NBEAL1: variants seen among roughly 807,000 people sequenced by gnomAD.
NBEAL1 encodes neurobeachin-like protein 1.
NBEAL1 carries 273 observed loss-of-function variants against 351.3 expected under a neutral mutation model. The ratio of observed to expected loss-of-function variants is 0.78; its 90% CI spans 0.70 to 0.86. The LOEUF is 0.86. NBEAL1 is among the 40% of genes least tolerant of loss of function. The probability of loss-of-function intolerance (pLI) is 0.00; values close to 1 mark genes in which losing one functional copy is unlikely to be tolerated. For missense variants in NBEAL1, 2,961 were observed against 3,201.3 expected (o/e 0.92, Z 1.81); for synonymous variants, 1,050 against 1,086.4 (o/e 0.97, Z 0.66).
At chr2:203,067,643 A>G (rs891478195) in intron 6 of NBEAL1, among the ~76,000 whole-genome samples, 1 of 152,122 alleles carries the variant, frequency 6.6e-6, no homozygotes. Flanking sequence ...AATATTTTCT[A>G]TTTTTGTTGG....
At chr2:203,048,682 T>G (rs2061271628) in intron 3 of NBEAL1, among the ~76,000 whole-genome samples, 3 of 152,190 alleles carry the variant, frequency 2.0e-5, no homozygotes. Flanking sequence ...AGGTGAGATT[T>G]AGTACCCATG....
At chr2:203,106,663 T>C (rs946878774) in intron 12 of NBEAL1, among the ~76,000 whole-genome samples, 4 of 152,130 alleles carry the variant, frequency 2.6e-5, no homozygotes, top group African/African-American at 9.7e-5. Flanking sequence ...CAAAAATACA[T>C]GAGAAAATAT....
chr2:203,185,069 C>T (rs977214920), intron 44 of NBEAL1, among the ~76,000 whole-genome samples: 15 of 152,122 alleles, frequency 9.9e-5, no homozygotes, highest in Non-Finnish European at 2.1e-4. Context: ...CTTGACCACA[C>T]GGATTAATAA....
intron 50 of NBEAL1, among the ~76,000 whole-genome samples, chr2:203,202,378 T>C (rs945994993): frequency 6.6e-6 from 1 of 152,196 alleles, no homozygotes; most frequent in Admixed American, 6.5e-5. Context: ...AAGTAGCATA[T>C]GAAAATTAAC....
Position 203,224,937 on chromosome 2 carries a change from A to T in NBEAL1, c.*7583A>T, listed in dbSNP as rs886428103. Among the ~76,000 whole-genome samples the T allele has an allele frequency of 6.6e-6, 1 of 152,168 alleles. No individual in the cohort carries two copies. The highest frequency in any genetic ancestry group is 2.1e-4 in the South Asian group (1 of 4,834). ...TCCTTCCTCATCCTTTTAAAATTAAATATATAAGATGTATGTTTTGTTTTA... is the reference window on the plus strand; with the variant it reads ...TCCTTCCTCATCCTTTTAAAATTAATTATATAAGATGTATGTTTTGTTTTA... On this transcript the variant is annotated 3_prime_UTR_variant, in exon 56 of 56. Transcript: ENST00000683969.
At chr2:203,045,395 T>C (rs560204206) in intron 3 of NBEAL1, among the ~76,000 whole-genome samples, 2 of 152,264 alleles carry the variant, frequency 1.3e-5, no homozygotes, top group South Asian at 4.1e-4. Flanking sequence ...TTTAGCCCTT[T>C]AGCAGGAAAA....
intron 42 of NBEAL1, among the ~76,000 whole-genome samples, chr2:203,177,344 G>A (rs1311563475): frequency 2.0e-5 from 3 of 150,150 alleles, no homozygotes; most frequent in Non-Finnish European, 4.4e-5. Context: ...AGTTCAGCCT[G>A]GGCAACATAG....
chr2:203,183,069 A>G (rs2064779781), intron 43 of NBEAL1: 1 of 329,048 alleles, frequency 3.0e-6, no homozygotes, highest in African/African-American at 2.1e-5. Flanking sequence ...TTTTTGCTTA[A>G]CAACTTAATT....
At chr2:203,196,677 T>C (rs1407091235) in intron 47 of NBEAL1, among the ~76,000 whole-genome samples, 2 of 152,216 alleles carry the variant, frequency 1.3e-5, no homozygotes, top group Admixed American at 6.5e-5. Context: ...ACCTGATACA[T>C]AGTACATACC....
intron 4 of NBEAL1, among the ~76,000 whole-genome samples, chr2:203,055,229 T>C (rs1318261672): frequency 6.6e-6 from 1 of 152,236 alleles, no homozygotes; most frequent in Non-Finnish European, 1.5e-5. Context: ...GCAGAATTCT[T>C]GCAGAGGCTT....
In NBEAL1 at chr2:203,224,281, ACTT is replaced by A. The variant is rs1293739107; in HGVS notation, c.*6931_*6933del. Among the ~76,000 whole-genome samples the A allele has an allele frequency of 6.6e-6, 1 of 152,012 alleles. No individual in the cohort carries two copies. Among genetic ancestry groups the A allele is most frequent in the Non-Finnish European group, 1.5e-5 (1 of 67,922 alleles). ...TTTATAAGTAGCTTTATATAAGAAA[ACTT>A]CTTAGAAAACTATGTGGCTGGTTGG... On this transcript the variant is annotated 3_prime_UTR_variant, in exon 56 of 56. Coordinates refer to ENST00000683969, the MANE Select transcript of NBEAL1 (RefSeq NM_001378026.1).
chr2:203,118,965 ATT>A (rs34515211), intron 18 of NBEAL1, among the ~76,000 whole-genome samples: 186 of 147,210 alleles, frequency 1.3e-3, no homozygotes, highest in Non-Finnish European at 1.5e-3. Flanking sequence ...TTAAAGTTGG[ATT>A]TTTTTTTTTT....
chr2:203,031,107 A>G (rs1053254670), intron 2 of NBEAL1, among the ~76,000 whole-genome samples: 2 of 152,226 alleles, frequency 1.3e-5, no homozygotes, highest in African/African-American at 4.8e-5. Context: ...TTATTTCCTG[A>G]TGTATGAATT....
At chr2:203,199,476 A>ATTTT in intron 49 of NBEAL1, 29 bp downstream of exon 49, 2 of 1,107,022 alleles carry the variant, frequency 1.8e-6, no homozygotes, top group Non-Finnish European at 1.4e-6. Flanking sequence ...AAAGCAAAAT[A>ATTTT]GCTATACCAG....
intron 12 of NBEAL1, among the ~76,000 whole-genome samples, chr2:203,103,567 C>T (rs993061154): frequency 2.0e-5 from 3 of 152,098 alleles, no homozygotes; most frequent in Admixed American, 1.3e-4. Context: ...CCATTGTGCC[C>T]GGCCTATCTT....
intron 2 of NBEAL1, among the ~76,000 whole-genome samples, chr2:203,025,945 T>C (rs980968024): frequency 1.3e-5 from 2 of 152,166 alleles, no homozygotes; most frequent in Admixed American, 6.5e-5. Flanking sequence ...GACTACACTT[T>C]GTTGTGACTG....
chr2:203,222,286 C>A lies in NBEAL1; in HGVS notation c.*4932C>A, dbSNP rs1396881364. On this transcript the variant is annotated 3_prime_UTR_variant, in exon 56 of 56. Coordinates refer to ENST00000683969, the MANE Select transcript of NBEAL1 (RefSeq NM_001378026.1). ...CTTCTCTGTGGAGTTTATAAATATA[C>A]AGATATGTAGGCACTGCTTTGGACT... Among the ~76,000 whole-genome samples, 1 of 152,144 alleles carries A rather than the reference C, an allele frequency of 6.6e-6. No individual in the cohort carries two copies. The highest frequency in any genetic ancestry group is 1.5e-5 in the Non-Finnish European group (1 of 68,028).
At chr2:203,027,078 A>C (rs1377135416) in intron 2 of NBEAL1, among the ~76,000 whole-genome samples, 1 of 152,168 alleles carries the variant, frequency 6.6e-6, no homozygotes, top group African/African-American at 2.4e-5. Context: ...TTTTTTTGTG[A>C]CAATTTTGTC....
rs747865301 is a variant in NBEAL1 at position 203,085,591 on chromosome 2, T to A, written c.1098+1022T>A. 3 of 152,186 alleles carry A rather than the reference T, an allele frequency of 2.0e-5. No individual in the cohort carries two copies. The South Asian group carries it at 6.2e-4, about 32-fold the overall frequency. 9.4% of individuals were successfully genotyped at this position (152,186 alleles called of 1,614,324 possible). ...GCCATTATTCCTAACTTTTACACCA[T>A]GTAATGACCTAAATGATGATTTTGG... On this transcript the variant is annotated intron_variant, in intron 10 of 55. Coordinates refer to ENST00000683969, the MANE Select transcript of NBEAL1 (RefSeq NM_001378026.1).
Sources: allele counts gnomAD v4.1 joint callset (sites outside exome capture counted in the v4.1 genomes callset), GRCh38; gene constraint gnomAD v4.1.1; transcripts MANE v1.5; gene names NCBI Gene and HGNC (gene_info 2026-07-23, HGNC 2026-07-21).